Variants in HK1 observed in about 807,000 individuals in gnomAD.
HK1 encodes the protein hexokinase-1.
HK1 carries 28 observed loss-of-function variants against 91.6 expected under a neutral mutation model. The observed-to-expected ratio is 0.31, with a 90% confidence interval of 0.23 to 0.42. The LOEUF is 0.42. Ranked by LOEUF, HK1 falls within the 10% of genes least tolerant of loss-of-function variation. HK1 has a pLI of 1.00. For missense variants in HK1, 770 were observed against 1,219.8 expected, an observed-to-expected ratio of 0.63 and a Z score of 5.49; for synonymous variants, 430 against 468.1, an observed-to-expected ratio of 0.92 and a Z score of 1.05.
intron 1 of HK1, among the ~76,000 whole-genome samples, chr10:69,271,712 C>T (rs1844179039): frequency 6.6e-6 from 1 of 152,012 alleles, no homozygotes; most frequent in Admixed American, 6.6e-5. Flanking sequence ...CTCCTGATCT[C>T]GTGATCCACC....
At chr10:69,391,729 AT>A (rs1839905424) in intron 14 of HK1, among the ~76,000 whole-genome samples, 1 of 152,224 alleles carries the variant, frequency 6.6e-6, no homozygotes, top group Non-Finnish European at 1.5e-5. Flanking sequence ...ATAGGCATGT[AT>A]ATATTGTATA....
At chr10:69,276,177 A>G (rs1463447303) in intron 1 of HK1, among the ~76,000 whole-genome samples, 1 of 141,086 alleles carries the variant, frequency 7.1e-6, no homozygotes, top group African/African-American at 2.6e-5. Context: ...GTAATTCTAT[A>G]TATTTATTAG....
intron 1 of HK1, among the ~76,000 whole-genome samples, chr10:69,327,015 T>TTG (rs1467086345): frequency 6.7e-6 from 1 of 149,718 alleles, no homozygotes; most frequent in Non-Finnish European, 1.5e-5. Flanking sequence ...TTTTTTTTTT[T>TTG]TTTTTTTGAG....
intron 1 of HK1, among the ~76,000 whole-genome samples, chr10:69,339,267 C>T (rs1341461327): frequency 6.6e-6 from 1 of 152,214 alleles, no homozygotes; most frequent in East Asian, 1.9e-4. Context: ...TGGCAGATAC[C>T]AGGGAGCTGA....
intron 7 of HK1, among the ~76,000 whole-genome samples, chr10:69,376,675 C>T (rs1839126332): frequency 6.6e-6 from 1 of 152,178 alleles, no homozygotes; most frequent in Non-Finnish European, 1.5e-5. Flanking sequence ...GGCAGCCTTC[C>T]CTGCCTGCTC....
chr10:69,379,776 G>C, intron 8 of HK1, 86 bp from the exon 9 acceptor site: 1 of 952,422 alleles, frequency 1.0e-6, no homozygotes, highest in South Asian at 1.3e-5. Flanking sequence ...AAGTGGGGCT[G>C]TCCCTTTCCA....
rs760704259 is a variant in HK1, at chr10:69,359,950, C to T, written c.280C>T (p.Arg94Trp). The change falls in exon 3 of 18, where the codon CGG becomes TGG. Residue 94 changes from arginine (R) to tryptophan (W), a missense_variant. This residue lies in a region of HK1 where 449 missense variants were observed against 665.1 expected (regional missense o/e 0.68). Coordinates refer to ENST00000359426, the MANE Select transcript of HK1 (RefSeq NM_000188.3). The stretch of plus-strand genomic sequence containing the variant: ...TGGTGGGTCTTCCTTTCGAATTCTG[C>T]GGGTGCAAGTGAATCATGAGAAAAA... ...DLGGSSFRILRVQVNHEKNQN... is the reference protein window; with the variant it reads ...DLGGSSFRILWVQVNHEKNQN... The T allele has an allele frequency of 4.3e-6, 7 of 1,613,780 alleles. No homozygotes were observed. Among genetic ancestry groups the T allele is most frequent in the African/African-American group, 2.7e-5 (2 of 74,908 alleles).
chr10:69,315,582 A>C (rs182898363), upstream of HK1, among the ~76,000 whole-genome samples: 292 of 152,316 alleles, frequency 1.9e-3, 1 homozygote, highest in Non-Finnish European at 2.0e-3. Flanking sequence ...GCAGGGATCT[A>C]AGAGCTATGC....
Position 69,276,104 on chromosome 10 carries a change from A to T in HK1, c.-391+5996A>T, listed in dbSNP as rs1345428087. ...AAACTCCTTTTCAAAAAAAAAAAAA[A>T]AAAAAAAAAAAAAAATACATATATA... On this transcript the variant is annotated intron_variant, in intron 1 of 21. Transcript: ENST00000360289. Among the ~76,000 whole-genome samples the T allele has an allele frequency of 2.5e-3, 118 of 46,916 alleles. 5 individuals carry two copies. In the East Asian group the frequency reaches 0.041, roughly 16 times the overall value. 30.8% of individuals were successfully genotyped at this position (46,916 alleles called of 152,430 possible).
intron 1 of HK1, among the ~76,000 whole-genome samples, chr10:69,323,537 A>AAG (rs1847164662): frequency 6.6e-6 from 1 of 151,372 alleles, no homozygotes; most frequent in Non-Finnish European, 1.5e-5. Flanking sequence ...AAAAAAAAAA[A>AAG]AAGAAGAAAG....
chr10:69,281,586 A>G (rs1844752492), intron 1 of HK1, among the ~76,000 whole-genome samples: 2 of 152,332 alleles, frequency 1.3e-5, no homozygotes, highest in East Asian at 1.9e-4. Context: ...GTGGCTTCCT[A>G]TACTTTTTCT....
chr10:69,336,049 G>A (rs980916485), intron 1 of HK1, among the ~76,000 whole-genome samples: 1 of 152,214 alleles, frequency 6.6e-6, no homozygotes, highest in Non-Finnish European at 1.5e-5. Context: ...GATAGTCCTA[G>A]TACATAGAGC....
intron 2 of HK1, among the ~76,000 whole-genome samples, chr10:69,283,813 A>AAAAAG (rs1341606119): frequency 6.0e-5 from 9 of 150,550 alleles, no homozygotes; most frequent in African/African-American, 2.0e-4. Context: ...AAAAAAAAAA[A>AAAAAG]AAAAGAAAAG....
chr10:69,396,650 G>A (rs1054394701), intron 16 of HK1, among the ~76,000 whole-genome samples: 14 of 152,038 alleles, frequency 9.2e-5, no homozygotes, highest in African/African-American at 2.7e-4. Context: ...AGGTTCATCC[G>A]TATTGTGGCA....
At chr10:69,302,749 CT>C (rs1845940997) in intron 5 of HK1, among the ~76,000 whole-genome samples, 1 of 69,850 alleles carries the variant, frequency 1.4e-5, no homozygotes, top group African/African-American at 4.9e-5. Context: ...CTATGGGACC[CT>C]GTCTCAAAAA....
Position 69,369,360 on chromosome 10 carries a change from C to T in HK1, c.691+24C>T. On this transcript the variant is annotated intron_variant, in intron 6 of 17. Transcript: ENST00000359426. The surrounding 1 kb of genome is among the most constrained non-coding windows in gnomAD (Gnocchi z 4.4). ...CGGTAATGCATTCCCCTTTGCCCATCCATTTGTTCGGCCCATCTTTCCAGG... is the reference window on the plus strand; with the variant it reads ...CGGTAATGCATTCCCCTTTGCCCATTCATTTGTTCGGCCCATCTTTCCAGG... 1 of 1,613,042 alleles carries T rather than the reference C, an allele frequency of 6.2e-7. No homozygotes were observed. The highest frequency in any genetic ancestry group is 8.5e-7 in the Non-Finnish European group (1 of 1,178,958).
At chr10:69,317,672 CA>C (rs1846721286), upstream of HK1, among the ~76,000 whole-genome samples, 2 of 152,156 alleles carry the variant, frequency 1.3e-5, no homozygotes, top group Non-Finnish European at 1.5e-5. Flanking sequence ...GCACCTGCTT[CA>C]AAGACTCACA....
In HK1 at chr10:69,369,711, A is replaced by G. The variant is rs1849899981; in HGVS notation, c.875+87A>G. ...TTGGGATGGGAGATGAAAAGGGCAT[A>G]AAGCCAAGTGATCACAAACAGAAAA... On this transcript the variant is annotated intron_variant, in intron 7 of 17. Transcript: ENST00000359426. The surrounding 1 kb of genome is among the most constrained non-coding windows in gnomAD (Gnocchi z 4.4). 8.0e-7 allele frequency: 1 copy of G among 1,242,392 alleles called. No homozygotes were observed. Among genetic ancestry groups the G allele is most frequent in the Non-Finnish European group, 1.2e-6 (1 of 863,204 alleles). The allele number at this position is 1,242,392 out of a possible 1,614,324, so 77.0% of individuals were successfully genotyped here.
intron 4 of HK1, chr10:69,296,351 C>G (rs1328540966): frequency 6.5e-6 from 1 of 153,400 alleles, no homozygotes; most frequent in Non-Finnish European, 1.5e-5. Context: ...GGGGCCATTA[C>G]CTAGTCCCAG....
Sources: gnomAD v4.1 joint callset for allele counts (sites outside exome capture counted in the v4.1 genomes callset) on GRCh38, gnomAD v4.1.1 for gene constraint, gnomAD v4.1.1 regional missense constraint, Gnocchi (gnomAD v3.1) non-coding constraint, MANE v1.5 for transcripts, NCBI Gene and HGNC (gene_info 2026-07-23, HGNC 2026-07-21) for gene names.